The following COL25A1 variants were observed in gnomAD, a reference collection of about 807,000 sequenced individuals.
COL25A1 encodes the protein collagen alpha-1(XXV) chain.
COL25A1 carries 103 observed loss-of-function variants against 128.4 expected under a neutral mutation model. The observed-to-expected ratio is 0.80, with a 90% CI of 0.68 to 0.94. COL25A1 has a LOEUF of 0.94. Among genes scored for constraint, COL25A1 ranks in the 40% least tolerant of loss-of-function variants. The probability of loss-of-function intolerance (pLI) is 0.00; values close to 1 mark genes in which losing one functional copy is unlikely to be tolerated. For synonymous variants in COL25A1, 279 were observed against 277.2 expected (o/e 1.01, Z -0.06); for missense variants, 745 against 840.0 (o/e 0.89, Z 1.40).
At chr4:109,131,769 T>TC (rs1769231674) in intron 3 of COL25A1, among the ~76,000 whole-genome samples, 1 of 152,136 alleles carries the variant, frequency 6.6e-6, no homozygotes, top group Non-Finnish European at 1.5e-5. Flanking sequence ...ACCTCCCCAT[T>TC]CACCAGGAAC....
chr4:109,294,167 G>C (rs773109476), intron 3 of COL25A1, among the ~76,000 whole-genome samples: 2 of 152,076 alleles, frequency 1.3e-5, no homozygotes, highest in Admixed American at 6.6e-5. Flanking sequence ...GGTTTAACTG[G>C]GAAGGAGGCA....
chr4:108,979,273 C>T (rs1178729786), intron 6 of COL25A1, among the ~76,000 whole-genome samples: 1 of 152,082 alleles, frequency 6.6e-6, no homozygotes, highest in Non-Finnish European at 1.5e-5. Flanking sequence ...AAGGTTTTAG[C>T]TTTTTTCCTA....
At chr4:109,014,242 G>A (rs903066611) in intron 5 of COL25A1, among the ~76,000 whole-genome samples, 2 of 152,108 alleles carry the variant, frequency 1.3e-5, no homozygotes, top group South Asian at 2.1e-4. Flanking sequence ...GGGGGGCAGA[G>A]GTTGCAGTGA....
chr4:109,015,071 G>T (rs533238271), intron 5 of COL25A1, among the ~76,000 whole-genome samples: 1 of 152,328 alleles, frequency 6.6e-6, no homozygotes, highest in African/African-American at 2.4e-5. Flanking sequence ...TGGTGATATG[G>T]TAATGGTATC....
Position 108,838,054 on chromosome 4 carries a change from A to G in COL25A1, c.1656+3641T>C, listed in dbSNP as rs1170661102. Reference sequence around the variant, plus strand: ...AGAGTTATCATGTAGGGTAGAAAGAAAAATCTGAGATTTGCACTAAAATGG... The same window carrying G: ...AGAGTTATCATGTAGGGTAGAAAGAGAAATCTGAGATTTGCACTAAAATGG... On this transcript the variant is annotated intron_variant, in intron 31 of 37. Transcript: ENST00000399132. 4 of 1,375,780 alleles carry G rather than the reference A, an allele frequency of 2.9e-6. No homozygotes were observed. The East Asian group carries it at 7.5e-5, about 26-fold the overall frequency. The allele number at this position is 1,375,780 out of a possible 1,614,324, so 85.2% of individuals were successfully genotyped here.
chr4:108,996,756 C>T (rs13150812), intron 6 of COL25A1, among the ~76,000 whole-genome samples: 121,029 of 152,076 alleles, frequency 0.8, 49,321 homozygotes, highest in East Asian at 1. Flanking sequence ...TGTAAAAGAA[C>T]AGAAATCACA....
intron 4 of COL25A1, 133 bp from the exon 5 acceptor site, chr4:109,048,308 C>T: frequency 2.6e-6 from 2 of 781,182 alleles, no homozygotes; most frequent in Non-Finnish European, 4.1e-6. Context: ...TTTAAATTCA[C>T]TGATTCTTAA....
intron 3 of COL25A1, among the ~76,000 whole-genome samples, chr4:109,293,650 A>G (rs1724683906): frequency 6.6e-6 from 1 of 152,164 alleles, no homozygotes; most frequent in Non-Finnish European, 1.5e-5. Context: ...CACGCAAATG[A>G]ACAGACATAG....
At chr4:108,866,599 T>G (rs1737954983) in intron 20 of COL25A1, among the ~76,000 whole-genome samples, 1 of 152,218 alleles carries the variant, frequency 6.6e-6, no homozygotes, top group Non-Finnish European at 1.5e-5. Flanking sequence ...TTCATTATGA[T>G]CTCTCCTCAC....
At chr4:109,106,408 C>T (rs1356584829) in intron 3 of COL25A1, among the ~76,000 whole-genome samples, 1 of 152,034 alleles carries the variant, frequency 6.6e-6, no homozygotes, top group East Asian at 1.9e-4. Context: ...TTAAAGTTTG[C>T]CCCTCTCTCC....
intron 6 of COL25A1, among the ~76,000 whole-genome samples, chr4:109,000,132 G>A (rs1438212924): frequency 1.3e-5 from 2 of 151,142 alleles, no homozygotes; most frequent in East Asian, 1.9e-4. Context: ...AAAAAGCTCT[G>A]CAAAAAAAAG....
intron 3 of COL25A1, among the ~76,000 whole-genome samples, chr4:109,130,496 C>T: frequency 6.6e-6 from 1 of 152,054 alleles, no homozygotes; most frequent in East Asian, 1.9e-4. Context: ...AGGATGATTT[C>T]CAGGAGATAG....
At chr4:109,221,726 G>A (rs1490744046) in intron 3 of COL25A1, among the ~76,000 whole-genome samples, 5 of 152,124 alleles carry the variant, frequency 3.3e-5, no homozygotes, top group African/African-American at 1.2e-4. Flanking sequence ...TGTGTTATGG[G>A]CTCTTAACCA....
intron 13 of COL25A1, among the ~76,000 whole-genome samples, chr4:108,902,457 A>C (rs1742955324): frequency 6.6e-6 from 1 of 152,030 alleles, no homozygotes; most frequent in Admixed American, 6.6e-5. Context: ...AAGTGAACGA[A>C]TGTATCTAGG....
chr4:109,170,653 T>C (rs914497993), intron 3 of COL25A1, among the ~76,000 whole-genome samples: 15 of 152,092 alleles, frequency 9.9e-5, no homozygotes, highest in Non-Finnish European at 4.4e-5. Flanking sequence ...GAGGAAGGAA[T>C]AGAAGGAGAA....
At chr4:108,947,420 C>T (rs1021206566) in intron 8 of COL25A1, among the ~76,000 whole-genome samples, 5 of 142,298 alleles carry the variant, frequency 3.5e-5, no homozygotes, top group African/African-American at 1.3e-4. Flanking sequence ...CCAGCTTGGG[C>T]AACAAAAATG....
At chr4:108,980,200 G>C (rs1253115151) in intron 6 of COL25A1, among the ~76,000 whole-genome samples, 1 of 152,194 alleles carries the variant, frequency 6.6e-6, no homozygotes, top group African/African-American at 2.4e-5. Flanking sequence ...TGAGAACACG[G>C]GGTGTTCGGG....
chr4:108,825,253 GT>G, intron 33 of COL25A1, 31 bp from the exon 34 acceptor site: 3 of 1,600,012 alleles, frequency 1.9e-6, no homozygotes, highest in Non-Finnish European at 2.6e-6. Flanking sequence ...CTACATTAGT[GT>G]TTCTAAGTTT....
chr4:109,175,496 A>G (rs1210319895), intron 3 of COL25A1, among the ~76,000 whole-genome samples: 4 of 152,204 alleles, frequency 2.6e-5, no homozygotes, highest in African/African-American at 9.6e-5. Context: ...AGTTCTTCAT[A>G]TAAAACACAA....
Sources: gnomAD v4.1 joint callset for allele counts (sites outside exome capture counted in the v4.1 genomes callset) on GRCh38, gnomAD v4.1.1 for gene constraint, MANE v1.5 for transcripts, NCBI Gene and HGNC (gene_info 2026-07-23, HGNC 2026-07-21) for gene names.